The following CHCHD3 variants were observed in gnomAD, a reference collection of about 807,000 sequenced individuals.
CHCHD3 encodes the protein MICOS complex subunit MIC19.
A neutral mutation model predicts 38.2 loss-of-function variants in CHCHD3; 20 were observed. The ratio of observed to expected loss-of-function variants is 0.52; its 90% CI spans 0.37 to 0.76. CHCHD3 has a LOEUF of 0.76. Among genes scored for constraint, CHCHD3 ranks in the 30% least tolerant of loss-of-function variants. CHCHD3 has a pLI of 0.00. For missense variants in CHCHD3, 245 were observed against 279.2 expected (o/e 0.88, Z 0.87); for synonymous variants, 82 against 100.0 (o/e 0.82, Z 1.07).
At chr7:132,981,813 G>A (rs912702803) in intron 3 of CHCHD3, among the ~76,000 whole-genome samples, 11 of 152,150 alleles carry the variant, frequency 7.2e-5, no homozygotes, top group Admixed American at 2.0e-4. Flanking sequence ...AATGGGAAAC[G>A]GAGATTGCTA....
At chr7:132,812,997 C>T (rs1430804569) in intron 6 of CHCHD3, among the ~76,000 whole-genome samples, 1 of 23,596 alleles carries the variant, frequency 4.2e-5, no homozygotes. Flanking sequence ...TCCCATGGGA[C>T]ATGCTCTCAT....
intron 4 of CHCHD3, among the ~76,000 whole-genome samples, chr7:132,965,086 T>TGTGA (rs3050416): frequency 1.3e-5 from 2 of 151,590 alleles, no homozygotes; most frequent in Non-Finnish European, 2.9e-5. Flanking sequence ...TGTGTGTGTG[T>TGTGA]TTTACTTCCT....
rs532347250 is a variant in CHCHD3, at chr7:132,927,048, G to A, written c.370-41303C>T. ...CTATGATTAGAATTCAAAGTCTGAG[G>A]GAACTTTAGGGAGCACAGGCTATTG... On this transcript the variant is annotated intron_variant, in intron 4 of 7. Transcript: ENST00000262570. 7.0e-4 allele frequency among the ~76,000 whole-genome samples: 106 copies of A among 152,236 alleles called. 2 individuals carry two copies. The South Asian group carries it at 0.021, about 30-fold the overall frequency.
intron 3 of CHCHD3, among the ~76,000 whole-genome samples, chr7:132,997,680 A>AAAC (rs1812458870): frequency 1.4e-5 from 2 of 147,382 alleles, no homozygotes; most frequent in Non-Finnish European, 3.0e-5. Context: ...AAAAAAAAAA[A>AAAC]AAAAAAAACA....
At chr7:132,986,672 G>A (rs1353527844) in intron 3 of CHCHD3, among the ~76,000 whole-genome samples, 2 of 152,182 alleles carry the variant, frequency 1.3e-5, no homozygotes, top group Non-Finnish European at 2.9e-5. Context: ...GTTCCCAGAT[G>A]CCATTAAGAA....
chr7:133,014,030 T>C (rs10234723), intron 3 of CHCHD3, among the ~76,000 whole-genome samples: 74 of 152,316 alleles, frequency 4.9e-4, no homozygotes, highest in African/African-American at 1.6e-3. Context: ...CTTGTCACAT[T>C]AGTGGTTTCA....
intron 5 of CHCHD3, among the ~76,000 whole-genome samples, chr7:132,858,996 G>A (rs1263244656): frequency 6.6e-6 from 1 of 152,112 alleles, no homozygotes; most frequent in Non-Finnish European, 1.5e-5. Context: ...CACTGCCAGG[G>A]TCAAATCCAA....
chr7:133,079,376 C>T (rs966451503), intron 1 of CHCHD3, among the ~76,000 whole-genome samples: 3 of 152,180 alleles, frequency 2.0e-5, no homozygotes, highest in African/African-American at 4.8e-5. Context: ...AGAGCGACAC[C>T]GCTAGTGAGA....
At chr7:132,911,252 G>T (rs542564444) in intron 4 of CHCHD3, among the ~76,000 whole-genome samples, 2 of 152,136 alleles carry the variant, frequency 1.3e-5, no homozygotes, top group African/African-American at 2.4e-5. Context: ...TATGGGAAGG[G>T]GTCCCAGTCA....
intron 3 of CHCHD3, among the ~76,000 whole-genome samples, chr7:133,022,676 A>G (rs1177590821): frequency 6.6e-6 from 1 of 152,128 alleles, no homozygotes; most frequent in Non-Finnish European, 1.5e-5. Flanking sequence ...GCTCTCCTTA[A>G]AGGTGACAGA....
chr7:132,975,319 A>G (rs1223382412), intron 3 of CHCHD3, 33 bp from the exon 4 acceptor site: 2 of 1,524,778 alleles, frequency 1.3e-6, no homozygotes, highest in African/African-American at 2.8e-5. Flanking sequence ...AGTTAGAAAA[A>G]ATATTTTATT....
At chr7:132,962,940 G>A (rs1452471967) in intron 4 of CHCHD3, among the ~76,000 whole-genome samples, 3 of 151,974 alleles carry the variant, frequency 2.0e-5, no homozygotes, top group East Asian at 1.9e-4. Flanking sequence ...TGTATCCAGA[G>A]GAACAGTTGC....
At chr7:133,046,200 G>T (rs1259139019) in intron 2 of CHCHD3, among the ~76,000 whole-genome samples, 1 of 152,176 alleles carries the variant, frequency 6.6e-6, no homozygotes, top group Admixed American at 6.5e-5. Flanking sequence ...ATAATCTGAT[G>T]AAGTAGTTCT....
intron 4 of CHCHD3, among the ~76,000 whole-genome samples, chr7:132,945,708 A>C (rs1810881604): frequency 6.6e-6 from 1 of 151,984 alleles, no homozygotes; most frequent in South Asian, 2.1e-4. Flanking sequence ...ACTTATAAAA[A>C]GAAAAACTAA....
chr7:132,983,652 A>C (rs1462810938), intron 3 of CHCHD3, among the ~76,000 whole-genome samples: 4 of 152,154 alleles, frequency 2.6e-5, no homozygotes, highest in Non-Finnish European at 5.9e-5. Flanking sequence ...ACAATACCAT[A>C]ACTTTGCATC....
chr7:132,864,576 C>T (rs1471144737), intron 5 of CHCHD3, among the ~76,000 whole-genome samples: 1 of 152,116 alleles, frequency 6.6e-6, no homozygotes, highest in African/African-American at 2.4e-5. Context: ...AGGGTTGCCA[C>T]AAACTTTAAA....
chr7:132,969,043 G>T (rs944405648), intron 4 of CHCHD3, among the ~76,000 whole-genome samples: 2 of 151,948 alleles, frequency 1.3e-5, no homozygotes, highest in Non-Finnish European at 2.9e-5. Context: ...TGCTTCACTG[G>T]TGCATTTCAG....
intron 1 of CHCHD3, among the ~76,000 whole-genome samples, chr7:133,079,435 T>C (rs1170497422): frequency 6.6e-6 from 1 of 152,224 alleles, no homozygotes; most frequent in Non-Finnish European, 1.5e-5. Context: ...AGGCACATGC[T>C]CTTTCCACTA....
At chr7:132,907,368 C>T (rs968374923) in intron 4 of CHCHD3, among the ~76,000 whole-genome samples, 1 of 151,944 alleles carries the variant, frequency 6.6e-6, no homozygotes, top group Non-Finnish European at 1.5e-5. Flanking sequence ...ACACAAGCAA[C>T]CATAATAGAA....
Sources: gnomAD v4.1 joint callset for allele counts (sites outside exome capture counted in the v4.1 genomes callset) on GRCh38, gnomAD v4.1.1 for gene constraint, MANE v1.5 for transcripts, NCBI Gene and HGNC (gene_info 2026-07-23, HGNC 2026-07-21) for gene names.